CTNNA3: variants seen among roughly 807,000 people sequenced by gnomAD.
CTNNA3 encodes catenin alpha 3.
In CTNNA3, 76 loss-of-function variants were observed where a neutral mutation model predicts 95.7. The observed-to-expected ratio is 0.79, with a 90% CI of 0.66 to 0.96. CTNNA3 has a LOEUF of 0.96. Among genes scored for constraint, CTNNA3 ranks in the 40% least tolerant of loss-of-function variants. CTNNA3 has a pLI of 0.00. For synonymous variants in CTNNA3, 431 were observed against 374.4 expected, an observed-to-expected ratio of 1.15 and a Z score of -1.74; for missense variants, 1,191 against 1,089.8, an observed-to-expected ratio of 1.09 and a Z score of -1.31.
intron 14 of CTNNA3, among the ~76,000 whole-genome samples, chr10:66,086,125 G>A (rs567684711): frequency 6.6e-6 from 1 of 152,114 alleles, no homozygotes; most frequent in Non-Finnish European, 1.5e-5. Context: ...CATAGCAATA[G>A]ACAAGGCTTT....
chr10:66,199,785 ATATATATATATATATATATATTTTTTTT>A (rs1242905926), intron 13 of CTNNA3, among the ~76,000 whole-genome samples: 823 of 11,036 alleles, frequency 0.075, 25 homozygotes, highest in Non-Finnish European at 0.11. Flanking sequence ...ATATATATAT[ATATATATATATATATATATATTTTTTTT>A]TTTTTTTTTT....
chr10:67,032,396 T>C (rs1853784816), intron 7 of CTNNA3, among the ~76,000 whole-genome samples: 1 of 152,128 alleles, frequency 6.6e-6, no homozygotes, highest in South Asian at 2.1e-4. Context: ...TCGCCTCCAA[T>C]AAAATCATAT....
At chr10:66,426,008 T>C (rs1333604839) in intron 11 of CTNNA3, among the ~76,000 whole-genome samples, 1 of 152,122 alleles carries the variant, frequency 6.6e-6, no homozygotes, top group Non-Finnish European at 1.5e-5. Flanking sequence ...ATTTTTTGTA[T>C]TTTTTATTCA....
At chr10:67,047,688 C>A (rs568418966) in intron 7 of CTNNA3, among the ~76,000 whole-genome samples, 26 of 151,932 alleles carry the variant, frequency 1.7e-4, no homozygotes, top group Non-Finnish European at 5.9e-5. Flanking sequence ...AAATAAATAC[C>A]CATCAGCTTT....
chr10:67,611,558 C>T (rs982701240), intron 2 of CTNNA3, among the ~76,000 whole-genome samples: 3 of 152,092 alleles, frequency 2.0e-5, no homozygotes, highest in Non-Finnish European at 4.4e-5. Flanking sequence ...CCTCATGATC[C>T]GCCCGCCTCA....
chr10:67,100,585 T>A (rs1858281895), intron 7 of CTNNA3, among the ~76,000 whole-genome samples: 1 of 151,664 alleles, frequency 6.6e-6, no homozygotes, highest in South Asian at 2.1e-4. Context: ...TTCCTATGTC[T>A]CCCTTCCTGT....
At chr10:66,701,716 A>C (rs2132572986) in intron 9 of CTNNA3, among the ~76,000 whole-genome samples, 1 of 152,224 alleles carries the variant, frequency 6.6e-6, no homozygotes, top group East Asian at 1.9e-4. Context: ...TGCAAAGCTA[A>C]GTTTTGAGTT....
intron 9 of CTNNA3, among the ~76,000 whole-genome samples, chr10:66,717,537 G>T (rs1296801327): frequency 1.3e-5 from 2 of 152,062 alleles, no homozygotes; most frequent in Non-Finnish European, 2.9e-5. Flanking sequence ...GTCTGTCAAA[G>T]GTTAGAGAAT....
intron 3 of CTNNA3, among the ~76,000 whole-genome samples, chr10:67,545,501 A>G (rs1356685300): frequency 6.6e-6 from 1 of 152,102 alleles, no homozygotes; most frequent in Non-Finnish European, 1.5e-5. Context: ...TAAGTGTAAA[A>G]ATATCTATTA....
At position 66,379,316 on chromosome 10, in the gene CTNNA3, A is replaced by G. The variant is rs762067610; in HGVS notation, c.1568T>C (p.Ile523Thr). The change falls in exon 12 of 18, where the codon ATA becomes ACA. Residue 523 changes from isoleucine to threonine, a missense_variant. Ile to Thr is a moderately conservative substitution (Grantham distance 89). Coordinates refer to ENST00000433211, the MANE Select transcript of CTNNA3 (RefSeq NM_013266.4). ...HILEDVNKCI[I>T]ALRDQDADNL... ...ATCAGCATCCTGGTCTCTTAAGGCT[A>G]TGATACACTTGTTGACATCTTCCAA... is the stretch of plus-strand genomic sequence containing the variant. 6 of 1,614,110 alleles carry G rather than the reference A, an allele frequency of 3.7e-6. No homozygotes were observed. The South Asian group carries it at 4.4e-5, about 12-fold the overall frequency.
intron 5 of CTNNA3, among the ~76,000 whole-genome samples, chr10:67,274,240 G>C (rs1007899789): frequency 6.6e-5 from 10 of 152,000 alleles, no homozygotes; most frequent in Admixed American, 1.3e-4. Flanking sequence ...AATGGAAGAA[G>C]AGTTACAAAG....
At chr10:67,349,127 G>A (rs115989064) in intron 5 of CTNNA3, among the ~76,000 whole-genome samples, 1,628 of 152,152 alleles carry the variant, frequency 0.011, 25 homozygotes, top group African/African-American at 0.033. Context: ...TGGTATGGCC[G>A]CTATGGAAAA....
chr10:67,240,515 T>TA lies in CTNNA3; in HGVS notation c.580-20646dup, dbSNP rs150875853. 3.3e-4 allele frequency among the ~76,000 whole-genome samples: 51 copies of TA among 152,298 alleles called. No homozygotes were observed. In the East Asian group the frequency reaches 9.3e-3, roughly 28 times the overall value. On this transcript the variant is annotated intron_variant, in intron 5 of 17. Transcript: ENST00000433211. ...TTAAAATTAAAAAAATGCAAGATTT[T>TA]ACAATAAAAGCATCATTAAGGAGCA...
intron 5 of CTNNA3, among the ~76,000 whole-genome samples, chr10:67,302,002 C>A (rs2101049): frequency 0.012 from 646 of 55,904 alleles, 82 homozygotes; most frequent in East Asian, 0.037. Flanking sequence ...AACGAAAGAA[C>A]GAAAGAAAGA....
At chr10:67,457,840 T>A (rs544195379) in intron 5 of CTNNA3, among the ~76,000 whole-genome samples, 4 of 152,282 alleles carry the variant, frequency 2.6e-5, no homozygotes, top group Admixed American at 2.6e-4. Flanking sequence ...CTCTCTTCCA[T>A]GTTTAAAGAT....
intron 1 of CTNNA3, among the ~76,000 whole-genome samples, chr10:67,670,637 C>T (rs909809635): frequency 3.3e-5 from 5 of 152,180 alleles, no homozygotes; most frequent in African/African-American, 9.6e-5. Context: ...CCAAGCCAAT[C>T]CACTTTTATC....
intron 13 of CTNNA3, among the ~76,000 whole-genome samples, chr10:66,171,567 T>C (rs1409309477): frequency 6.6e-6 from 1 of 151,400 alleles, no homozygotes; most frequent in East Asian, 1.9e-4. Flanking sequence ...AAATTTAATA[T>C]AAAAAATGAC....
At chr10:67,433,178 G>C (rs1466464532) in intron 5 of CTNNA3, among the ~76,000 whole-genome samples, 3 of 151,924 alleles carry the variant, frequency 2.0e-5, no homozygotes, top group Non-Finnish European at 2.9e-5. Context: ...CAACTGTAGG[G>C]TTATTAATTG....
chr10:66,879,260 T>C (rs1358785382), intron 7 of CTNNA3, among the ~76,000 whole-genome samples: 1 of 152,244 alleles, frequency 6.6e-6, no homozygotes, highest in Admixed American at 6.5e-5. Context: ...AACCATGAAC[T>C]TGCCTGGGCC....
Sources: allele counts gnomAD v4.1 joint callset (sites outside exome capture counted in the v4.1 genomes callset), GRCh38; gene constraint gnomAD v4.1.1; transcripts MANE v1.5; gene names NCBI Gene and HGNC (gene_info 2026-07-23, HGNC 2026-07-21).